Variants in CMSS1 observed in about 807,000 individuals in gnomAD.
CMSS1 encodes protein CMSS1.
A neutral mutation model predicts 43.5 loss-of-function variants in CMSS1; 33 were observed. The ratio of observed to expected loss-of-function variants is 0.76; its 90% CI spans 0.57 to 1.01. The LOEUF is 1.01. Among genes scored for constraint, CMSS1 ranks in the 50% least tolerant of loss-of-function variants. The pLI, the probability that CMSS1 is intolerant of heterozygous loss-of-function variation, is 0.00. For missense variants in CMSS1, 313 were observed against 326.4 expected, an observed-to-expected ratio of 0.96 and a Z score of 0.32; for synonymous variants, 115 against 117.2, an observed-to-expected ratio of 0.98 and a Z score of 0.12.
chr3:100,162,489 T>C (rs1559776854), intron 4 of CMSS1, 57 bp downstream of exon 4: 3 of 1,559,864 alleles, frequency 1.9e-6, no homozygotes, highest in Non-Finnish European at 2.6e-6. Flanking sequence ...GTATCTGTTA[T>C]GGTTAGGTGT....
At chr3:99,890,615 A>G (rs1003595896) in intron 1 of CMSS1, among the ~76,000 whole-genome samples, 6 of 151,906 alleles carry the variant, frequency 3.9e-5, no homozygotes, top group Non-Finnish European at 7.4e-5. Context: ...ACTAATTCTC[A>G]TTCCTTGATC....
chr3:99,921,788 A>G (rs1184668966), intron 1 of CMSS1, among the ~76,000 whole-genome samples: 1 of 152,178 alleles, frequency 6.6e-6, no homozygotes, highest in Non-Finnish European at 1.5e-5. Context: ...TCAAAATACT[A>G]TTCTTCATAT....
chr3:100,081,572 T>A (rs1044091703), intron 1 of CMSS1, among the ~76,000 whole-genome samples: 1 of 152,194 alleles, frequency 6.6e-6, no homozygotes, highest in Non-Finnish European at 1.5e-5. Context: ...AATAACATTG[T>A]GTAGTTTGGC....
At chr3:100,054,878 C>T (rs2065438229) in intron 1 of CMSS1, among the ~76,000 whole-genome samples, 7 of 152,290 alleles carry the variant, frequency 4.6e-5, no homozygotes, top group East Asian at 3.9e-4. Flanking sequence ...AGTATGAGGT[C>T]ATTTCAAATT....
chr3:100,101,727 A>G (rs1411153033), intron 1 of CMSS1, among the ~76,000 whole-genome samples: 10 of 152,106 alleles, frequency 6.6e-5, no homozygotes, highest in African/African-American at 2.4e-4. Flanking sequence ...CCATTAACTC[A>G]TCATTTAACA....
At chr3:99,864,907 T>C (rs1944436883) in intron 1 of CMSS1, among the ~76,000 whole-genome samples, 1 of 152,204 alleles carries the variant, frequency 6.6e-6, no homozygotes, top group African/African-American at 2.4e-5. Context: ...GGTGTGTGTG[T>C]ATGTGCGCAC....
chr3:99,990,576 G>C (rs1315515264), intron 1 of CMSS1, among the ~76,000 whole-genome samples: 2 of 152,042 alleles, frequency 1.3e-5, no homozygotes, highest in Admixed American at 1.3e-4. Flanking sequence ...AGAATTACTG[G>C]AGAGCCTCTA....
At chr3:100,138,400 C>G (rs1461840245) in intron 1 of CMSS1, among the ~76,000 whole-genome samples, 4 of 152,124 alleles carry the variant, frequency 2.6e-5, no homozygotes, top group Non-Finnish European at 4.4e-5. Flanking sequence ...TCAGAGTGAA[C>G]AGGCAACCTA....
chr3:99,915,631 A>T (rs1020458407), intron 1 of CMSS1, among the ~76,000 whole-genome samples: 2 of 146,334 alleles, frequency 1.4e-5, no homozygotes, highest in East Asian at 2.0e-4. Flanking sequence ...TTAATGGTTT[A>T]AAAAAAAAAA....
At chr3:99,909,410 G>T (rs1439626129) in intron 1 of CMSS1, among the ~76,000 whole-genome samples, 1 of 152,116 alleles carries the variant, frequency 6.6e-6, no homozygotes, top group African/African-American at 2.4e-5. Context: ...CAGGTGAGGG[G>T]GTCTGGGGTG....
intron 1 of CMSS1, among the ~76,000 whole-genome samples, chr3:100,010,778 A>ATTTTTTTTTTTT (rs11371196): frequency 3.4e-4 from 32 of 93,664 alleles, no homozygotes; most frequent in African/African-American, 5.3e-4. Context: ...CCACGCCCGG[A>ATTTTTTTTTTTT]TTTTTTTTTT....
intron 1 of CMSS1, among the ~76,000 whole-genome samples, chr3:99,998,565 TAAAG>T (rs776442783): frequency 1.3e-5 from 2 of 152,154 alleles, no homozygotes; most frequent in Non-Finnish European, 2.9e-5. Flanking sequence ...TGGAGCTAAT[TAAAG>T]AAAGACAAAA....
At chr3:99,955,197 A>T (rs899778898) in intron 1 of CMSS1, among the ~76,000 whole-genome samples, 1 of 152,212 alleles carries the variant, frequency 6.6e-6, no homozygotes, top group Admixed American at 6.5e-5. Context: ...AAGAACCTGC[A>T]GGTCAGAACT....
At position 99,914,411 on chromosome 3, in the gene CMSS1, T is replaced by C. The variant is rs74456077; in HGVS notation, c.64+96368T>C. Among the ~76,000 whole-genome samples the C allele has an allele frequency of 4.1e-3, 631 of 152,330 alleles. 2 individuals carry two copies. Among genetic ancestry groups the C allele is most frequent in the Admixed American group, 7.7e-3 (118 of 15,296 alleles). ...TCTTTCAATAAAATGTTATAATCTT[T>C]AAGTGTGTTTTTGATATGTTAGATT... On this transcript the variant is annotated intron_variant, in intron 1 of 9. Transcript: ENST00000421999.
At chr3:99,990,954 G>T (rs1264152541) in intron 1 of CMSS1, among the ~76,000 whole-genome samples, 2 of 152,050 alleles carry the variant, frequency 1.3e-5, no homozygotes, top group East Asian at 3.9e-4. Context: ...ACTTTGGTTG[G>T]AAATAAAAGT....
At chr3:100,131,647 A>G (rs551273635) in intron 1 of CMSS1, among the ~76,000 whole-genome samples, 5 of 152,116 alleles carry the variant, frequency 3.3e-5, no homozygotes, top group African/African-American at 1.2e-4. Context: ...CTTCCTTGCT[A>G]CTCCCTGCAC....
At chr3:99,924,574 A>G (rs745941088) in intron 1 of CMSS1, among the ~76,000 whole-genome samples, 1 of 152,134 alleles carries the variant, frequency 6.6e-6, no homozygotes, top group Non-Finnish European at 1.5e-5. Context: ...GCTGGAGTGC[A>G]ATGGCGCGAT....
chr3:99,879,801 G>A (rs1034926422), intron 1 of CMSS1, among the ~76,000 whole-genome samples: 22 of 152,144 alleles, frequency 1.4e-4, no homozygotes, highest in African/African-American at 5.1e-4. Context: ...AAGAAAAACA[G>A]CAAGACCTGT....
chr3:100,029,342 T>C (rs1461617943), intron 1 of CMSS1, among the ~76,000 whole-genome samples: 1 of 152,106 alleles, frequency 6.6e-6, no homozygotes, highest in African/African-American at 2.4e-5. Flanking sequence ...TTGATTTTGA[T>C]TATGATAATT....
Sources: gnomAD v4.1 joint callset for allele counts (sites outside exome capture counted in the v4.1 genomes callset) on GRCh38, gnomAD v4.1.1 for gene constraint, MANE v1.5 for transcripts, NCBI Gene and HGNC (gene_info 2026-07-23, HGNC 2026-07-21) for gene names.